The following MEIKIN variants were observed in gnomAD, a reference collection of about 807,000 sequenced individuals.
MEIKIN encodes meiotic kinetochore factor, also known as meiosis-specific kinetochore protein.
At chr5:131,917,121 A>G (rs997397828) in intron 6 of MEIKIN, among the ~76,000 whole-genome samples, 196 bp from the exon 7 acceptor site, 1 of 152,220 alleles carries the variant, frequency 6.6e-6, no homozygotes, top group East Asian at 1.9e-4. Flanking sequence ...TATGAGATAC[A>G]GGAATCTCTC....
intron 9 of MEIKIN, among the ~76,000 whole-genome samples, chr5:131,874,258 T>C (rs962429013): frequency 3.3e-5 from 5 of 151,408 alleles, no homozygotes; most frequent in African/African-American, 1.2e-4. Flanking sequence ...GCAAGACTAA[T>C]AAAGAAGAAA....
intron 4 of MEIKIN, among the ~76,000 whole-genome samples, chr5:131,935,381 G>A (rs1471662680): frequency 6.6e-6 from 1 of 151,630 alleles, no homozygotes; most frequent in African/African-American, 2.4e-5. Flanking sequence ...TATTTGAACA[G>A]AGAATCTTCC....
chr5:131,851,474 C>G lies in MEIKIN; in HGVS notation c.856-91G>C, dbSNP rs1307707535. 3 of 392,494 alleles carry G rather than the reference C, an allele frequency of 7.6e-6. No individual in the cohort carries two copies. In the East Asian group the frequency reaches 1.1e-4, roughly 14 times the overall value. The allele number at this position is 392,494 out of a possible 1,614,324, so 24.3% of individuals were successfully genotyped here. The stretch of plus-strand genomic sequence containing the variant: ...TTAAAGAAAAGTTGAAAAATACCAT[C>G]TCATTGGAAGCATTTTCCTGTAAAC... On this transcript the variant is annotated intron_variant, in intron 10 of 12. Transcript: ENST00000442687.
At chr5:131,895,042 T>C (rs1751010256) in intron 8 of MEIKIN, among the ~76,000 whole-genome samples, 1 of 151,626 alleles carries the variant, frequency 6.6e-6, no homozygotes, top group Non-Finnish European at 1.5e-5. Context: ...AGGTTTGTCA[T>C]AAATTTTGAG....
chr5:131,936,190 C>T (rs1321470241), intron 4 of MEIKIN, among the ~76,000 whole-genome samples: 4 of 152,152 alleles, frequency 2.6e-5, no homozygotes, highest in Admixed American at 1.3e-4. Flanking sequence ...GGGAGGCTGT[C>T]CTGGTGTCAC....
At chr5:131,892,098 T>C (rs1380456776) in intron 8 of MEIKIN, among the ~76,000 whole-genome samples, 1 of 152,158 alleles carries the variant, frequency 6.6e-6, no homozygotes, top group Admixed American at 6.5e-5. Context: ...GTTAGTCTCA[T>C]GGGCGTCCCT....
At position 131,900,943 on chromosome 5, in the gene MEIKIN, C is replaced by T. The variant is rs545051677; in HGVS notation, c.703+10872G>A. On this transcript the variant is annotated intron_variant, in intron 8 of 12. Coordinates refer to ENST00000442687, the MANE Select transcript of MEIKIN (RefSeq NM_001303622.2). ...TGCACACATTTGCCCATGTCCAACA[C>T]CTAGACCGCTTTGCTTGCACATGTA... 2.0e-5 allele frequency among the ~76,000 whole-genome samples: 3 copies of T among 152,272 alleles called. No homozygotes were observed. The East Asian group carries it at 5.8e-4, about 29-fold the overall frequency.
At position 131,818,837 on chromosome 5, in the gene MEIKIN, A is replaced by G. The variant is rs1356567014; in HGVS notation, c.1002T>C (p.Cys334=). The G allele has an allele frequency of 7.5e-6, 3 of 397,998 alleles. No homozygotes were observed. The highest frequency in any genetic ancestry group is 2.1e-5 in the African/African-American group (1 of 48,608). The allele number at this position is 397,998 out of a possible 1,614,324, so 24.7% of individuals were successfully genotyped here. ...NEFPANASEI[C]CIIRTSPGTR... ...TTCCTGGTGATGTTCTAATAATACA[A>G]CATATTTCTGATGCATTTGCAGGAA... The change falls in exon 12 of 13, where the codon TGT becomes TGC. Residue 334 remains cysteine, a synonymous_variant. Transcript: ENST00000442687.
chr5:131,930,581 T>C (rs1485913309), intron 5 of MEIKIN, among the ~76,000 whole-genome samples: 1 of 152,192 alleles, frequency 6.6e-6, no homozygotes, highest in Admixed American at 6.5e-5. Context: ...AATTCTTTAT[T>C]CTTCTTGAGC....
intron 11 of MEIKIN, among the ~76,000 whole-genome samples, chr5:131,847,444 G>A (rs968815883): frequency 6.6e-6 from 1 of 151,880 alleles, no homozygotes. Context: ...AAGAGACAAA[G>A]ATGAATATTA....
At chr5:131,863,988 G>A (rs10063686) in intron 9 of MEIKIN, among the ~76,000 whole-genome samples, 2,731 of 152,100 alleles carry the variant, frequency 0.018, 54 homozygotes, top group African/African-American at 0.047. Flanking sequence ...TCCCAATCTC[G>A]GGTATGTTTT....
At chr5:131,813,428 T>TC (rs1773038669) in intron 12 of MEIKIN, among the ~76,000 whole-genome samples, 1 of 98,654 alleles carries the variant, frequency 1.0e-5, no homozygotes, top group South Asian at 4.0e-4. Flanking sequence ...TTAACTATAT[T>TC]CTTTTTTTTT....
chr5:131,907,733 G>T (rs893498378), intron 8 of MEIKIN, among the ~76,000 whole-genome samples: 5 of 151,684 alleles, frequency 3.3e-5, no homozygotes, highest in Non-Finnish European at 5.9e-5. Context: ...TTAGCCGGGC[G>T]TGGTGGCATG....
At chr5:131,880,404 A>T (rs1475855160) in intron 8 of MEIKIN, among the ~76,000 whole-genome samples, 1 of 134,958 alleles carries the variant, frequency 7.4e-6, no homozygotes, top group South Asian at 2.4e-4. Flanking sequence ...TGCCCGGCCT[A>T]TTTTTTTTTT....
rs1189233650 is a variant in MEIKIN at position 131,945,096 on chromosome 5, T to C, written c.200+60A>G. 5 of 398,986 alleles carry C rather than the reference T, an allele frequency of 1.3e-5. No homozygotes were observed. The South Asian group carries it at 6.4e-4, about 51-fold the overall frequency. 24.7% of individuals were successfully genotyped at this position (398,986 alleles called of 1,614,324 possible). A position where few individuals can be genotyped will look rare whatever the true frequency, so the allele number is the denominator to read the frequency against. On this transcript the variant is annotated intron_variant, in intron 2 of 12. Coordinates refer to ENST00000442687, the MANE Select transcript of MEIKIN (RefSeq NM_001303622.2). ...GAATAAAAGGCTACTAGCAGAAAAT[T>C]CGGCTTGAAGTTTTCTGAGGTGGCA...
chr5:131,888,862 T>G (rs528360814), intron 8 of MEIKIN, among the ~76,000 whole-genome samples: 113 of 152,368 alleles, frequency 7.4e-4, no homozygotes, highest in South Asian at 6.2e-3. Context: ...TGTAAGTCTT[T>G]AATCCATCTT....
At chr5:131,841,133 C>T (rs1307474789) in intron 11 of MEIKIN, among the ~76,000 whole-genome samples, 2 of 152,148 alleles carry the variant, frequency 1.3e-5, no homozygotes, top group East Asian at 3.8e-4. Flanking sequence ...CTCCCAACTC[C>T]TGAAATGCAA....
In MEIKIN at chr5:131,930,613, T is replaced by C. The variant is rs575691682; in HGVS notation, c.478+2900A>G. Among the ~76,000 whole-genome samples the C allele has an allele frequency of 1.8e-4, 28 of 152,290 alleles. No homozygotes were observed. In the South Asian group the frequency reaches 3.7e-3, roughly 20 times the overall value. On this transcript the variant is annotated intron_variant, in intron 5 of 12. Transcript: ENST00000442687. ...GAGCTAGTGTGCTGTTATATTGCTC[T>C]ACTGAATTTTTCTTTTATTCTTTTT...
chr5:131,897,436 T>C (rs1332723573), intron 8 of MEIKIN, among the ~76,000 whole-genome samples: 1 of 152,218 alleles, frequency 6.6e-6, no homozygotes, highest in Non-Finnish European at 1.5e-5. Context: ...TTGGCCTGCC[T>C]TGCTAGGTTG....
Sources: allele counts gnomAD v4.1 joint callset (sites outside exome capture counted in the v4.1 genomes callset), GRCh38; gene constraint gnomAD v4.1.1; transcripts MANE v1.5; gene names NCBI Gene and HGNC (gene_info 2026-07-23, HGNC 2026-07-21).